The following PLCG1 variants were observed in gnomAD, a reference collection of about 807,000 sequenced individuals.
The protein encoded by PLCG1 is 1-phosphatidylinositol 4,5-bisphosphate phosphodiesterase gamma-1.
A neutral mutation model predicts 177.8 loss-of-function variants in PLCG1; 71 were observed. The observed-to-expected ratio is 0.40, with a 90% CI of 0.33 to 0.49. PLCG1 has a LOEUF of 0.49. PLCG1 is among the 20% of genes least tolerant of loss of function. The pLI is 0.72. For missense variants in PLCG1, 1,281 were observed against 1,709.0 expected (o/e 0.75, Z 4.42); for synonymous variants, 658 against 647.9 (o/e 1.02, Z -0.24).
In PLCG1 at chr20:41,172,689, G is replaced by A; in HGVS notation, c.3131-40G>A. ...AGGAGGGTGAGGAGGGGCACTGTGG[G>A]GCAGCTGGACTGGAATACACCATAA... On this transcript the variant is annotated intron_variant, in intron 26 of 31. Coordinates refer to ENST00000685551, the MANE Select transcript of PLCG1 (RefSeq NM_002660.3). The surrounding 1 kb of genome is among the most constrained non-coding windows in gnomAD (Gnocchi z 7.0). The A allele has an allele frequency of 1.2e-6, 2 of 1,612,824 alleles. No homozygotes were observed. The highest frequency in any genetic ancestry group is 1.7e-6 in the Non-Finnish European group (2 of 1,179,074).
rs1025990555 is a variant in PLCG1, at chr20:41,176,564, T to C, written c.*2055T>C. 2.0e-5 allele frequency: 3 copies of C among 152,222 alleles called. No homozygotes were observed. Among genetic ancestry groups the C allele is most frequent in the Admixed American group, 2.0e-4 (3 of 15,290 alleles). 9.4% of individuals were successfully genotyped at this position (152,222 alleles called of 1,614,324 possible). A position where few individuals can be genotyped will look rare whatever the true frequency, so the allele number is the denominator to read the frequency against. ...AGTTTTCATCAATACGTATCTCTAT[T>C]TGCTGAACAAGTGTCTTTCTGGAAC... On this transcript the variant is annotated 3_prime_UTR_variant, in exon 32 of 32. Transcript: ENST00000685551.
chr20:41,167,805 C>T lies in PLCG1; in HGVS notation c.2302-47C>T. 1 of 1,371,868 alleles carries T rather than the reference C, an allele frequency of 7.3e-7. No homozygotes were observed. Among genetic ancestry groups the T allele is most frequent in the South Asian group, 1.2e-5 (1 of 85,428 alleles). The allele number at this position is 1,371,868 out of a possible 1,614,324, so 85.0% of individuals were successfully genotyped here. On this transcript the variant is annotated intron_variant, in intron 19 of 31. Transcript: ENST00000685551. The surrounding 1 kb of genome is among the most constrained non-coding windows in gnomAD (Gnocchi z 4.4). ...CCAGAAACCAGTAGCTGCTTTCTAC[C>T]TCTGGGCTCTGGGGCATTAACATAT...
rs371386153 is a variant in PLCG1, at chr20:41,161,261, G to A, written c.512+1108G>A. On this transcript the variant is annotated intron_variant, in intron 4 of 31. Transcript: ENST00000685551. ...AAGAAGACAGTGGTGAAATCTGACC[G>A]TTGACCCTTGGATTTAACATGGTGA... is the stretch of plus-strand genomic sequence containing the variant. 3.5e-4 allele frequency among the ~76,000 whole-genome samples: 54 copies of A among 152,276 alleles called. No individual in the cohort carries two copies. The East Asian group carries it at 5.0e-3, about 14-fold the overall frequency.
In PLCG1 at chr20:41,169,130, C is replaced by T. The variant is rs760371632; in HGVS notation, c.2535C>T (p.Tyr845=). The change falls in exon 22 of 32, where the codon TAC becomes TAT. Residue 845 remains tyrosine, a synonymous_variant. Transcript: ENST00000685551. ...AGCAGCTGTGGTTCCCATCAAACTA[C>T]GTGGAAGAGATGGTCAACCCCGTGG... is the stretch of plus-strand genomic sequence containing the variant. ...GKKQLWFPSN[Y]VEEMVNPVAL... 2.2e-5 allele frequency: 35 copies of T among 1,613,892 alleles called. No homozygotes were observed. The highest frequency in any genetic ancestry group is 2.5e-5 in the Non-Finnish European group (30 of 1,179,858).
chr20:41,174,029 G>A lies in PLCG1; in HGVS notation c.3645+18G>A. 3 of 1,610,878 alleles carry A rather than the reference G, an allele frequency of 1.9e-6. No homozygotes were observed. Among genetic ancestry groups the A allele is most frequent in the Non-Finnish European group, 2.5e-6 (3 of 1,177,256 alleles). On this transcript the variant is annotated intron_variant, in intron 30 of 31. Transcript: ENST00000685551. The surrounding 1 kb of genome is among the most constrained non-coding windows in gnomAD (Gnocchi z 5.8). The stretch of plus-strand genomic sequence containing the variant: ...CTGCCAAGGTATCTGCAGCAGGGGT[G>A]GGCTGGCCTGGGGTAGGTGGGAGGA...
rs371951135 is a variant in PLCG1 at position 41,160,038 on chromosome 20, T to A, written c.465-68T>A. 8.4e-5 allele frequency: 134 copies of A among 1,600,534 alleles called. No individual in the cohort carries two copies. The highest frequency in any genetic ancestry group is 1.7e-4 in the Middle Eastern group (1 of 6,034). On this transcript the variant is annotated intron_variant, in intron 3 of 31. Transcript: ENST00000685551. This position sits in a 1 kb window ranked among gnomAD's most constrained non-coding sequence, Gnocchi z 5.5. ...GGGACAGGGACAGCAGACCTTTGTG[T>A]GCCCAGACATCTCCCAGGCCTGACT...
intron 1 of PLCG1, chr20:41,138,139 C>A (rs1208005438): frequency 4.1e-5 from 12 of 290,448 alleles, no homozygotes; most frequent in Non-Finnish European, 7.6e-5. Flanking sequence ...GGCTGGAGAC[C>A]TGCGGTGCAG....
At chr20:41,170,316 A>G (rs780914451) in intron 24 of PLCG1, 47 bp downstream of exon 24, 1 of 1,605,056 alleles carries the variant, frequency 6.2e-7, no homozygotes, top group Non-Finnish European at 8.5e-7. Flanking sequence ...TGGGCCCGTC[A>G]GGCAGCTGAG....
At chr20:41,140,257 T>G (rs1189244145) in intron 1 of PLCG1, among the ~76,000 whole-genome samples, 1 of 152,180 alleles carries the variant, frequency 6.6e-6, no homozygotes, top group Non-Finnish European at 1.5e-5. Context: ...AAAAGTCTGG[T>G]CGATGCTTGT....
intron 6 of PLCG1, 26 bp from the exon 7 acceptor site, chr20:41,162,932 C>T: frequency 6.2e-7 from 1 of 1,612,438 alleles, no homozygotes; most frequent in Non-Finnish European, 8.5e-7. Context: ...AGGGGTCTTG[C>T]CCTGACCAGG....
Position 41,177,474 on chromosome 20 carries a change from C to T in PLCG1, c.*2965C>T, listed in dbSNP as rs2036095568. Reference sequence around the variant, plus strand: ...TTGAACATCACTAAGGACCTAGACACTCACTTGTCTTTCAACTTGAGCCCA... The same window carrying T: ...TTGAACATCACTAAGGACCTAGACATTCACTTGTCTTTCAACTTGAGCCCA... On this transcript the variant is annotated 3_prime_UTR_variant, in exon 32 of 32. Transcript: ENST00000685551. 1 of 152,260 alleles carries T rather than the reference C, an allele frequency of 6.6e-6. No individual in the cohort carries two copies. Among genetic ancestry groups the T allele is most frequent in the South Asian group, 2.1e-4 (1 of 4,832 alleles). 9.4% of individuals were successfully genotyped at this position (152,260 alleles called of 1,614,324 possible).
chr20:41,172,245 C>G lies in PLCG1; in HGVS notation c.2861C>G (p.Ser954Cys), dbSNP rs2035924524. The change falls in exon 25 of 32, where the codon TCT becomes TGT. Residue 954 changes from serine to cysteine, a missense_variant. Transcript: ENST00000685551. The surrounding 1 kb of genome is among the most constrained non-coding windows in gnomAD (Gnocchi z 7.0). ...AGGAAGAAGATTGCCCTGGAGCTCT[C>G]TGAACTTGTCGTCTACTGCCGGCCT... is the stretch of plus-strand genomic sequence containing the variant. ...ERRKKIALEL[S>C]ELVVYCRPVP... 2 of 1,614,160 alleles carry G rather than the reference C, an allele frequency of 1.2e-6. No individual in the cohort carries two copies. Among genetic ancestry groups the G allele is most frequent in the Non-Finnish European group, 1.7e-6 (2 of 1,179,978 alleles).
At chr20:41,168,891 GC>G in intron 21 of PLCG1, 21 bp downstream of exon 21, 2 of 1,535,168 alleles carry the variant, frequency 1.3e-6, no homozygotes, top group Non-Finnish European at 1.8e-6. Context: ...GGTGTGGTAG[GC>G]CCAGAGTCCA....
chr20:41,175,926 G>C lies in PLCG1; in HGVS notation c.*1417G>C, dbSNP rs1237967734. 6.6e-6 allele frequency: 1 copy of C among 152,336 alleles called. No homozygotes were observed. Among genetic ancestry groups the C allele is most frequent in the African/African-American group, 2.4e-5 (1 of 41,464 alleles). 9.4% of individuals were successfully genotyped at this position (152,336 alleles called of 1,614,324 possible). A position where few individuals can be genotyped will look rare whatever the true frequency, so the allele number is the denominator to read the frequency against. On this transcript the variant is annotated 3_prime_UTR_variant, in exon 32 of 32. Transcript: ENST00000685551. Reference sequence around the variant, plus strand: ...ACTCTCTCCTGCCCACCCTCTGAGGGTGTGTCTGAGCAGAGTACATCCTGC... The same window carrying C: ...ACTCTCTCCTGCCCACCCTCTGAGGCTGTGTCTGAGCAGAGTACATCCTGC...
Position 41,166,123 on chromosome 20 carries a change from T to C in PLCG1, c.1800-71T>C, listed in dbSNP as rs2035682898. On this transcript the variant is annotated intron_variant, in intron 16 of 31. Coordinates refer to ENST00000685551, the MANE Select transcript of PLCG1 (RefSeq NM_002660.3). This position sits in a 1 kb window ranked among gnomAD's most constrained non-coding sequence, Gnocchi z 8.6. ...CTCCCTCCTTGAGTTCCACCCTCATTTGGGGTGGAACTTGGTCTTTGGGGC... is the reference window on the plus strand; with the variant it reads ...CTCCCTCCTTGAGTTCCACCCTCATCTGGGGTGGAACTTGGTCTTTGGGGC... 1.3e-5 allele frequency: 18 copies of C among 1,356,842 alleles called. No homozygotes were observed. Among genetic ancestry groups the C allele is most frequent in the Non-Finnish European group, 1.7e-5 (16 of 963,418 alleles). 84.1% of individuals were successfully genotyped at this position (1,356,842 alleles called of 1,614,324 possible). A position where few individuals can be genotyped will look rare whatever the true frequency, so the allele number is the denominator to read the frequency against.
Position 41,175,546 on chromosome 20 carries a change from C to T in PLCG1, c.*1037C>T, listed in dbSNP as rs887989828. 2 of 152,626 alleles carry T rather than the reference C, an allele frequency of 1.3e-5. No individual in the cohort carries two copies. Among genetic ancestry groups the T allele is most frequent in the Non-Finnish European group, 2.9e-5 (2 of 68,054 alleles). The allele number at this position is 152,626 out of a possible 1,614,324, so 9.5% of individuals were successfully genotyped here. A position where few individuals can be genotyped will look rare whatever the true frequency, so the allele number is the denominator to read the frequency against. On this transcript the variant is annotated 3_prime_UTR_variant, in exon 32 of 32. Transcript: ENST00000685551. Reference sequence around the variant, plus strand: ...GGAAGGTTAGAAAGGCAGCCCTCACCTCTGAGGACAGAGGCCGGGGTCCAG... The same window carrying T: ...GGAAGGTTAGAAAGGCAGCCCTCACTTCTGAGGACAGAGGCCGGGGTCCAG...
chr20:41,138,074 C>G (rs1265115319), intron 1 of PLCG1: 4 of 379,928 alleles, frequency 1.1e-5, no homozygotes, highest in Non-Finnish European at 1.4e-5. Context: ...CCCCCCCTCC[C>G]CCAGCTGGGG....
At chr20:41,154,460 T>C (rs2035258122) in intron 1 of PLCG1, among the ~76,000 whole-genome samples, 1 of 152,224 alleles carries the variant, frequency 6.6e-6, no homozygotes, top group Non-Finnish European at 1.5e-5. Flanking sequence ...CTCTTCTCTT[T>C]CTCTTCCCTA....
At chr20:41,169,053 A>G in intron 21 of PLCG1, 26 bp from the exon 22 acceptor site, 1 of 1,569,746 alleles carries the variant, frequency 6.4e-7, no homozygotes, top group Non-Finnish European at 8.8e-7. Flanking sequence ...TGGTTGCTGG[A>G]GGTCAGCACC....
Sources: allele counts gnomAD v4.1 joint callset (sites outside exome capture counted in the v4.1 genomes callset), GRCh38; gene constraint gnomAD v4.1.1; non-coding constraint Gnocchi (gnomAD v3.1); transcripts MANE v1.5; gene names NCBI Gene and HGNC (gene_info 2026-07-23, HGNC 2026-07-21).